HOOK3: variants seen among roughly 807,000 people sequenced by gnomAD.
The protein encoded by HOOK3 is hook microtubule tethering protein 3, also known as protein Hook homolog 3.
Under a neutral mutation model 116.3 loss-of-function variants are expected in HOOK3, and 24 were observed. That is an observed-to-expected ratio of 0.21 (90% CI 0.15 to 0.29). The LOEUF is 0.29. Among genes scored for constraint, HOOK3 ranks in the 10% least tolerant of loss-of-function variants. The pLI is 1.00. For synonymous variants in HOOK3, 275 were observed against 283.0 expected (o/e 0.97, Z 0.28); for missense variants, 632 against 830.2 (o/e 0.76, Z 2.93).
chr8:42,989,834 T>C (rs2130456356), intron 15 of HOOK3, among the ~76,000 whole-genome samples: 1 of 152,270 alleles, frequency 6.6e-6, no homozygotes, highest in East Asian at 1.9e-4. Context: ...AGTGAGAGCA[T>C]GTGAAGTTTG....
intron 1 of HOOK3, among the ~76,000 whole-genome samples, chr8:42,902,259 A>G (rs545213051): frequency 6.6e-6 from 1 of 150,540 alleles, no homozygotes; most frequent in Non-Finnish European, 1.5e-5. Flanking sequence ...AGAAATGTGT[A>G]TTCTCTCTCT....
rs1339089637 is a variant in HOOK3 at position 43,024,669 on chromosome 8, ATATT to A, written c.*6174_*6177del. 1 of 188,358 alleles carries A rather than the reference ATATT, an allele frequency of 5.3e-6. No individual in the cohort carries two copies. The highest frequency in any genetic ancestry group is 1.1e-5 in the Non-Finnish European group (1 of 89,398). 11.7% of individuals were successfully genotyped at this position (188,358 alleles called of 1,614,324 possible). Reference sequence around the variant, plus strand: ...ATTTTTTATTTTCTATCTATAAAGAATATTTAAATAATAATTGGTGTATGTTCCT... The same window carrying A: ...ATTTTTTATTTTCTATCTATAAAGAATAAATAATAATTGGTGTATGTTCCT... On this transcript the variant is annotated 3_prime_UTR_variant, in exon 22 of 22. Transcript: ENST00000307602.
intron 11 of HOOK3, among the ~76,000 whole-genome samples, chr8:42,970,782 CTT>C (rs764513803): frequency 5.3e-5 from 5 of 93,890 alleles, no homozygotes; most frequent in Non-Finnish European, 6.5e-5. Context: ...GAATTTGGGT[CTT>C]TTTTTTTTTT....
chr8:42,910,224 ATGAAT>A (rs200462036), intron 2 of HOOK3, among the ~76,000 whole-genome samples: 1,958 of 152,274 alleles, frequency 0.013, 43 homozygotes, highest in African/African-American at 0.044. Context: ...ATTTTTTTTC[ATGAAT>A]TGAAGTAAAC....
chr8:42,989,416 G>C (rs921570011), intron 15 of HOOK3, among the ~76,000 whole-genome samples: 4 of 152,146 alleles, frequency 2.6e-5, no homozygotes, highest in Admixed American at 6.5e-5. Context: ...AACCCCATGA[G>C]GTAGGCATTA....
chr8:42,943,349 G>T lies in HOOK3; in HGVS notation c.304G>T (p.Asp102Tyr). 1 of 1,547,860 alleles carries T rather than the reference G, an allele frequency of 6.5e-7. No homozygotes were observed. Among genetic ancestry groups the T allele is most frequent in the Non-Finnish European group, 8.7e-7 (1 of 1,144,982 alleles). ...GCAAATTAATGACTTTACCCTTCCT[G>T]ATGTGAACCTTATTGGGGAGCATTC... ...GQQINDFTLP[D>Y]VNLIGEHSDA... Residue 102 changes from aspartate to tyrosine, a missense_variant, in exon 5 of 22, where the codon GAT becomes TAT. Physicochemically the swap from Asp to Tyr is radical, Grantham distance 160. This residue lies in a region of HOOK3 where 141 missense variants were observed against 150.8 expected (regional missense o/e 0.93). Transcript: ENST00000307602.
At chr8:42,951,897 C>T (rs1808350784) in intron 6 of HOOK3, among the ~76,000 whole-genome samples, 2 of 151,008 alleles carry the variant, frequency 1.3e-5, no homozygotes, top group Non-Finnish European at 2.9e-5. Context: ...GTTGAGATCG[C>T]ACCACTGTAC....
chr8:42,938,969 C>G (rs986857810), intron 4 of HOOK3, among the ~76,000 whole-genome samples: 1 of 152,084 alleles, frequency 6.6e-6, no homozygotes, highest in Non-Finnish European at 1.5e-5. Context: ...ACATCTTGCA[C>G]CGCCCTTAAT....
intron 13 of HOOK3, 56 bp from the exon 14 acceptor site, chr8:42,982,571 A>C: frequency 2.4e-6 from 3 of 1,239,632 alleles, no homozygotes; most frequent in Non-Finnish European, 3.6e-6. Flanking sequence ...TTTCATATCG[A>C]AAGTTGTGTA....
At chr8:42,933,600 G>C (rs1444784330) in intron 4 of HOOK3, among the ~76,000 whole-genome samples, 1 of 152,106 alleles carries the variant, frequency 6.6e-6, no homozygotes, top group South Asian at 2.1e-4. Flanking sequence ...TGCTGAATTC[G>C]GTGTATTTCT....
At chr8:42,943,108 A>G (rs1379253262) in intron 4 of HOOK3, among the ~76,000 whole-genome samples, 1 of 151,970 alleles carries the variant, frequency 6.6e-6, no homozygotes, top group Non-Finnish European at 1.5e-5. Context: ...TACATGCCAC[A>G]TACCAGAGTA....
chr8:42,996,998 C>T (rs1242560427), intron 15 of HOOK3, among the ~76,000 whole-genome samples: 1 of 149,920 alleles, frequency 6.7e-6, no homozygotes, highest in African/African-American at 2.5e-5. Flanking sequence ...CCTCGACCTC[C>T]TGGGCTCAAG....
At chr8:42,967,259 C>T (rs1808648203) in intron 10 of HOOK3, among the ~76,000 whole-genome samples, 1 of 151,994 alleles carries the variant, frequency 6.6e-6, no homozygotes, top group Non-Finnish European at 1.5e-5. Context: ...TTCTACTCCC[C>T]GGCTGCCCTC....
chr8:42,980,757 G>A (rs1420360366), intron 13 of HOOK3, among the ~76,000 whole-genome samples: 5 of 152,088 alleles, frequency 3.3e-5, no homozygotes, highest in Non-Finnish European at 5.9e-5. Context: ...GGAGACGGGT[G>A]CCTGTAATCC....
chr8:42,983,167 T>A (rs1455188354), intron 14 of HOOK3, among the ~76,000 whole-genome samples: 3 of 151,998 alleles, frequency 2.0e-5, no homozygotes, highest in Non-Finnish European at 2.9e-5. Flanking sequence ...ACCCTGTCTC[T>A]ACAAAAAATA....
chr8:42,989,087 T>C (rs933034793), intron 15 of HOOK3, among the ~76,000 whole-genome samples: 4 of 152,178 alleles, frequency 2.6e-5, no homozygotes, highest in Non-Finnish European at 4.4e-5. Flanking sequence ...GTGAGCACTT[T>C]AGTGTATCTG....
chr8:42,932,137 A>C (rs548964012), intron 4 of HOOK3, among the ~76,000 whole-genome samples: 20 of 152,330 alleles, frequency 1.3e-4, no homozygotes, highest in Non-Finnish European at 2.6e-4. Context: ...ATTACACTGC[A>C]GGCACTCAGA....
chr8:42,969,991 T>C (rs1460382617), intron 11 of HOOK3, among the ~76,000 whole-genome samples: 1 of 152,242 alleles, frequency 6.6e-6, no homozygotes, highest in Non-Finnish European at 1.5e-5. Flanking sequence ...TTTTATATTT[T>C]AAGAAATTAT....
At chr8:42,929,460 A>G (rs1477370063) in intron 3 of HOOK3, among the ~76,000 whole-genome samples, 3 of 152,148 alleles carry the variant, frequency 2.0e-5, no homozygotes, top group Non-Finnish European at 4.4e-5. Context: ...AATCAATAGA[A>G]CTATATCACA....
Sources: gnomAD v4.1 joint callset for allele counts (sites outside exome capture counted in the v4.1 genomes callset) on GRCh38, gnomAD v4.1.1 for gene constraint, gnomAD v4.1.1 regional missense constraint, MANE v1.5 for transcripts, NCBI Gene and HGNC (gene_info 2026-07-23, HGNC 2026-07-21) for gene names.